NSD2: variants seen among roughly 807,000 people sequenced by gnomAD.
The protein encoded by NSD2 is histone-lysine N-methyltransferase NSD2.
A neutral mutation model predicts 139.0 loss-of-function variants in NSD2; 12 were observed. The ratio of observed to expected loss-of-function variants is 0.09; its 90% CI spans 0.06 to 0.14. The LOEUF is 0.14. Among genes scored for constraint, NSD2 ranks in the 10% least tolerant of loss-of-function variants. The pLI is 1.00. For synonymous variants in NSD2, 669 were observed against 648.7 expected, an observed-to-expected ratio of 1.03 and a Z score of -0.48; for missense variants, 1,155 against 1,745.0, an observed-to-expected ratio of 0.66 and a Z score of 6.02.
chr4:1,981,899 A>T lies in NSD2; in HGVS notation c.*2990A>T. The T allele has an allele frequency of 2.5e-6, 1 of 398,652 alleles. No individual in the cohort carries two copies. 24.7% of individuals were successfully genotyped at this position (398,652 alleles called of 1,614,324 possible). ...TGTGTCCACGGGGTGTCACAGCCTC[A>T]CCATACCCTGTTGAGGTGTGAAATG... On this transcript the variant is annotated 3_prime_UTR_variant, in exon 22 of 22. Coordinates refer to ENST00000508803, the MANE Select transcript of NSD2 (RefSeq NM_001042424.3).
At chr4:1,874,737 C>T (rs1714126505) in intron 1 of NSD2, among the ~76,000 whole-genome samples, 1 of 152,160 alleles carries the variant, frequency 6.6e-6, no homozygotes, top group South Asian at 2.1e-4. Context: ...AAATCTACCT[C>T]GTCAATTTCT....
At chr4:1,904,439 C>T (rs1228584097) in intron 3 of NSD2, 61 bp downstream of exon 3, 4 of 1,521,056 alleles carry the variant, frequency 2.6e-6, no homozygotes, top group Middle Eastern at 1.8e-4. Context: ...TTTCTCATCT[C>T]CAGGCTTCTT....
chr4:1,957,898 C>T, intron 15 of NSD2, 35 bp from the exon 16 acceptor site: 1 of 1,593,376 alleles, frequency 6.3e-7, no homozygotes, highest in East Asian at 2.2e-5. Context: ...CCTGTATTTA[C>T]TAAAATCTTT....
Position 1,976,790 on chromosome 4 carries a change from C to A in NSD2, c.3826+111C>A. On this transcript the variant is annotated intron_variant, in intron 21 of 21. Coordinates refer to ENST00000508803, the MANE Select transcript of NSD2 (RefSeq NM_001042424.3). This position sits in a 1 kb window ranked among gnomAD's most constrained non-coding sequence, Gnocchi z 5.3. ...GGGCCTCATCTGGGTGCAGGCACAT[C>A]AGGCGCTCATGCAGCGAAGGCCCTG... is the stretch of plus-strand genomic sequence containing the variant. 8.5e-7 allele frequency: 1 copy of A among 1,175,282 alleles called. No individual in the cohort carries two copies. Among genetic ancestry groups the A allele is most frequent in the Non-Finnish European group, 1.2e-6 (1 of 853,996 alleles). 72.8% of individuals were successfully genotyped at this position (1,175,282 alleles called of 1,614,324 possible).
intron 9 of NSD2, among the ~76,000 whole-genome samples, chr4:1,950,340 C>T (rs1724077329): frequency 6.6e-6 from 1 of 152,166 alleles, no homozygotes; most frequent in African/African-American, 2.4e-5. Context: ...TCAGGGATTC[C>T]ATGCCTTTAT....
chr4:1,939,873 G>T (rs1431905585), intron 9 of NSD2, 95 bp downstream of exon 9: 4 of 1,596,216 alleles, frequency 2.5e-6, no homozygotes, highest in Admixed American at 1.7e-5. Context: ...CTTCATAAGC[G>T]CAGCATTGGT....
At chr4:1,931,097 G>A (rs747174886) in intron 6 of NSD2, among the ~76,000 whole-genome samples, 3 of 152,116 alleles carry the variant, frequency 2.0e-5, no homozygotes, top group Non-Finnish European at 2.9e-5. Context: ...AGGGAAGGTC[G>A]TCTCTTGGAT....
At chr4:1,879,466 G>A (rs1010913924) in intron 1 of NSD2, among the ~76,000 whole-genome samples, 4 of 152,130 alleles carry the variant, frequency 2.6e-5, no homozygotes, top group South Asian at 2.1e-4. Flanking sequence ...TGATCCGCCC[G>A]CCTCGGCCTC....
In NSD2 at chr4:1,918,614, C is replaced by T. The variant is rs761656656; in HGVS notation, c.1401C>T (p.His467=). 2.2e-5 allele frequency: 35 copies of T among 1,613,578 alleles called. No homozygotes were observed. In the Admixed American group the frequency reaches 4.2e-4, roughly 19 times the overall value. The change falls in exon 5 of 22, where the codon CAC becomes CAT. Residue 467 remains histidine (H), a synonymous_variant. Coordinates refer to ENST00000508803, the MANE Select transcript of NSD2 (RefSeq NM_001042424.3). ...AGTTTTTGGTCTTCTGTCAAAAACACAGGGATGAGGTCAGTACTAAGTTGT... is the reference window on the plus strand; with the variant it reads ...AGTTTTTGGTCTTCTGTCAAAAACATAGGGATGAGGTCAGTACTAAGTTGT... The part of the protein sequence containing the change: ...ASQFLVFCQK[H]RDEVVAEHPD...
Position 1,976,806 on chromosome 4 carries a change from G to A in NSD2, c.3826+127G>A, listed in dbSNP as rs1434440276. The A allele has an allele frequency of 8.3e-6, 8 of 966,262 alleles. No homozygotes were observed. Among genetic ancestry groups the A allele is most frequent in the South Asian group, 1.7e-5 (1 of 58,560 alleles). The allele number at this position is 966,262 out of a possible 1,614,324, so 59.9% of individuals were successfully genotyped here. A position where few individuals can be genotyped will look rare whatever the true frequency, so the allele number is the denominator to read the frequency against. On this transcript the variant is annotated intron_variant, in intron 21 of 21. Coordinates refer to ENST00000508803, the MANE Select transcript of NSD2 (RefSeq NM_001042424.3). The surrounding 1 kb of genome is among the most constrained non-coding windows in gnomAD (Gnocchi z 5.3). Reference sequence around the variant, plus strand: ...CAGGCACATCAGGCGCTCATGCAGCGAAGGCCCTGATCCAGGGTGGCAGAG... The same window carrying A: ...CAGGCACATCAGGCGCTCATGCAGCAAAGGCCCTGATCCAGGGTGGCAGAG...
At chr4:1,902,345 C>T (rs943925923) in intron 2 of NSD2, among the ~76,000 whole-genome samples, 1 of 152,106 alleles carries the variant, frequency 6.6e-6, no homozygotes, top group African/African-American at 2.4e-5. Context: ...CTACCTCACC[C>T]TCCTGAGTAG....
In NSD2 at chr4:1,978,819, C is replaced by G. The variant is rs755796937; in HGVS notation, c.4008C>G (p.Thr1336=). The part of the protein sequence containing the change: ...HDLGAASVRS[T]KTEKPPPEPG... Reference sequence around the variant, plus strand: ...TAGGGGCGGCATCGGTCAGAAGCACCAAGACTGAGAAGCCCCCCCCAGAGC... The same window carrying G: ...TAGGGGCGGCATCGGTCAGAAGCACGAAGACTGAGAAGCCCCCCCCAGAGC... The change falls in exon 22 of 22, where the codon ACC becomes ACG. Residue 1336 remains threonine, a synonymous_variant. Transcript: ENST00000508803. 1.2e-6 allele frequency: 2 copies of G among 1,609,332 alleles called. No individual in the cohort carries two copies. Among genetic ancestry groups the G allele is most frequent in the Non-Finnish European group, 1.7e-6 (2 of 1,176,562 alleles).
chr4:1,893,009 G>A (rs953107793), intron 1 of NSD2: 3 of 152,036 alleles, frequency 2.0e-5, no homozygotes, highest in South Asian at 2.1e-4. Flanking sequence ...ATTTATAAAC[G>A]AGGAATTCTT....
intron 2 of NSD2, among the ~76,000 whole-genome samples, chr4:1,902,414 G>A (rs1717307574): frequency 6.6e-6 from 1 of 151,996 alleles, no homozygotes; most frequent in African/African-American, 2.4e-5. Flanking sequence ...TTGTAGGACA[G>A]GGTCTTGCTG....
chr4:1,962,886 G>A (rs904552210), intron 18 of NSD2, among the ~76,000 whole-genome samples: 1 of 152,146 alleles, frequency 6.6e-6, no homozygotes, highest in Non-Finnish European at 1.5e-5. Flanking sequence ...CCTAGAGCTA[G>A]AGAGGTGGGT....
chr4:1,939,534 G>A lies in NSD2; in HGVS notation c.1757-120G>A, dbSNP rs548387504. 6.6e-6 allele frequency: 7 copies of A among 1,055,028 alleles called. No individual in the cohort carries two copies. The Admixed American group carries it at 1.1e-4, about 17-fold the overall frequency. 65.4% of individuals were successfully genotyped at this position (1,055,028 alleles called of 1,614,324 possible). Reference sequence around the variant, plus strand: ...TCCATGATAGAAAGTTAAGCCAGAAGGACAAAGGAATTCAGAAGATTCATC... The same window carrying A: ...TCCATGATAGAAAGTTAAGCCAGAAAGACAAAGGAATTCAGAAGATTCATC... On this transcript the variant is annotated intron_variant, in intron 8 of 21. Coordinates refer to ENST00000508803, the MANE Select transcript of NSD2 (RefSeq NM_001042424.3).
intron 5 of NSD2, among the ~76,000 whole-genome samples, chr4:1,929,403 C>G (rs1475878461): frequency 6.6e-6 from 1 of 152,100 alleles, no homozygotes; most frequent in African/African-American, 2.4e-5. Flanking sequence ...GTTACTGCCC[C>G]CGTTTCACAG....
At chr4:1,939,401 G>C (rs1722838948) in intron 8 of NSD2, 1 of 518,016 alleles carries the variant, frequency 1.9e-6, no homozygotes, top group South Asian at 2.2e-5. Flanking sequence ...CGTGGAACCA[G>C]GTATGGATAG....
rs1236689198 is a variant in NSD2, at chr4:1,979,008, G to A, written c.*99G>A. On this transcript the variant is annotated 3_prime_UTR_variant, in exon 22 of 22. Coordinates refer to ENST00000508803, the MANE Select transcript of NSD2 (RefSeq NM_001042424.3). ...TGAACTGGCCCGGAGGACCCAGCTC[G>A]AGCCGCCAGGACACAGACGTACAGG... The A allele has an allele frequency of 2.9e-6, 4 of 1,401,434 alleles. No individual in the cohort carries two copies. The highest frequency in any genetic ancestry group is 2.9e-5 in the Admixed American group (1 of 34,030). 86.8% of individuals were successfully genotyped at this position (1,401,434 alleles called of 1,614,324 possible).
Sources: allele counts gnomAD v4.1 joint callset (sites outside exome capture counted in the v4.1 genomes callset), GRCh38; gene constraint gnomAD v4.1.1; non-coding constraint Gnocchi (gnomAD v3.1); transcripts MANE v1.5; gene names NCBI Gene and HGNC (gene_info 2026-07-23, HGNC 2026-07-21).